The following SGCZ variants were observed in gnomAD, a reference collection of about 807,000 sequenced individuals.
The protein encoded by SGCZ is zeta-sarcoglycan.
Under a neutral mutation model 41.3 loss-of-function variants are expected in SGCZ, and 40 were observed. The ratio of observed to expected loss-of-function variants is 0.97; its 90% CI spans 0.75 to 1.26. SGCZ has a LOEUF of 1.26. Among genes scored for constraint, SGCZ ranks in the 50% most tolerant of loss-of-function variants. SGCZ has a pLI of 0.00. For synonymous variants in SGCZ, 206 were observed against 137.5 expected, an observed-to-expected ratio of 1.50 and a Z score of -3.49; for missense variants, 552 against 369.8, an observed-to-expected ratio of 1.49 and a Z score of -4.04.
intron 6 of SGCZ, among the ~76,000 whole-genome samples, chr8:14,105,916 T>A (rs527287679): frequency 2.6e-5 from 4 of 152,270 alleles, no homozygotes; most frequent in African/African-American, 9.6e-5. Flanking sequence ...AAAAGTTCTT[T>A]AAGTATAAAT....
intron 1 of SGCZ, among the ~76,000 whole-genome samples, chr8:14,955,548 T>C (rs574683036): frequency 9.8e-5 from 15 of 152,336 alleles, no homozygotes; most frequent in African/African-American, 3.6e-4. Context: ...CTGCTCCATA[T>C]TGTTACCGAT....
At chr8:15,090,607 T>G (rs1325565147) in intron 1 of SGCZ, among the ~76,000 whole-genome samples, 1 of 152,018 alleles carries the variant, frequency 6.6e-6, no homozygotes, top group Non-Finnish European at 1.5e-5. Flanking sequence ...GTAATTAAGA[T>G]GAAGATTAAG....
At chr8:14,774,003 C>T (rs2130406148) in intron 1 of SGCZ, among the ~76,000 whole-genome samples, 1 of 152,282 alleles carries the variant, frequency 6.6e-6, no homozygotes, top group African/African-American at 2.4e-5. Context: ...AGGGGAGTGA[C>T]AACTTGGTTG....
intron 1 of SGCZ, among the ~76,000 whole-genome samples, chr8:14,849,332 T>G (rs1325712343): frequency 6.6e-6 from 1 of 151,924 alleles, no homozygotes; most frequent in African/African-American, 2.4e-5. Context: ...CTCCCAGATA[T>G]CTCACCAAGA....
chr8:14,440,585 T>C (rs1800221209), intron 2 of SGCZ, among the ~76,000 whole-genome samples: 1 of 152,104 alleles, frequency 6.6e-6, no homozygotes, highest in Non-Finnish European at 1.5e-5. Context: ...AAGTCACCTA[T>C]GTGTAATTGT....
intron 1 of SGCZ, among the ~76,000 whole-genome samples, chr8:14,611,925 C>T (rs1033208954): frequency 6.6e-6 from 1 of 152,070 alleles, no homozygotes; most frequent in Non-Finnish European, 1.5e-5. Context: ...GTGTAAAATA[C>T]AGGTAAATAT....
chr8:14,504,442 C>G (rs1802245664), intron 2 of SGCZ, among the ~76,000 whole-genome samples: 1 of 152,206 alleles, frequency 6.6e-6, no homozygotes, highest in South Asian at 2.1e-4. Flanking sequence ...TACAGTGAGT[C>G]TAAAACCTAG....
chr8:14,228,688 A>C (rs2117141523), intron 4 of SGCZ, among the ~76,000 whole-genome samples: 1 of 152,150 alleles, frequency 6.6e-6, no homozygotes, highest in East Asian at 1.9e-4. Flanking sequence ...AAGCAGTGGG[A>C]CACCTTTACA....
chr8:14,277,103 T>C (rs1163976159), intron 3 of SGCZ, among the ~76,000 whole-genome samples: 1 of 152,182 alleles, frequency 6.6e-6, no homozygotes, highest in East Asian at 1.9e-4. Flanking sequence ...AACCTGGACA[T>C]CCTCCACTAA....
intron 1 of SGCZ, among the ~76,000 whole-genome samples, chr8:14,592,224 T>A (rs1026807436): frequency 7.9e-5 from 12 of 152,058 alleles, no homozygotes; most frequent in African/African-American, 2.4e-4. Context: ...AGTTTTAAAA[T>A]GAGGGGAGTG....
At chr8:14,737,471 A>T (rs1799072596) in intron 1 of SGCZ, among the ~76,000 whole-genome samples, 1 of 152,084 alleles carries the variant, frequency 6.6e-6, no homozygotes, top group South Asian at 2.1e-4. Context: ...AACAGCTAAC[A>T]TTCACTTCGT....
At position 14,631,279 on chromosome 8, in the gene SGCZ, G is replaced by A. The variant is rs61400824; in HGVS notation, c.40-76353C>T. ...AGGTAGTGATAATACAGAACACATA[G>A]GAATTCTTTTTTTATTATTATTATA... On this transcript the variant is annotated intron_variant, in intron 1 of 7. Transcript: ENST00000382080. Among the ~76,000 whole-genome samples the A allele has an allele frequency of 8.4e-3, 711 of 84,286 alleles. 7 individuals carry two copies. The highest frequency in any genetic ancestry group is 0.025 in the African/African-American group (591 of 23,544). The allele number at this position is 84,286 out of a possible 152,430, so 55.3% of individuals were successfully genotyped here. A position where few individuals can be genotyped will look rare whatever the true frequency, so the allele number is the denominator to read the frequency against.
At chr8:14,841,227 C>G (rs996951982) in intron 1 of SGCZ, among the ~76,000 whole-genome samples, 8 of 152,194 alleles carry the variant, frequency 5.3e-5, no homozygotes, top group Admixed American at 2.0e-4. Flanking sequence ...TATCAACCAT[C>G]AAATGTAAAC....
chr8:14,537,350 C>A (rs1172612240), intron 2 of SGCZ, among the ~76,000 whole-genome samples: 1 of 151,858 alleles, frequency 6.6e-6, no homozygotes, highest in Non-Finnish European at 1.5e-5. Flanking sequence ...AACCACATTT[C>A]CACTCAGTTT....
intron 2 of SGCZ, among the ~76,000 whole-genome samples, chr8:14,443,237 A>C (rs1412722155): frequency 2.0e-5 from 3 of 152,174 alleles, no homozygotes; most frequent in Non-Finnish European, 4.4e-5. Context: ...CATACTGCCC[A>C]AGGTAATTTA....
intron 2 of SGCZ, among the ~76,000 whole-genome samples, chr8:14,406,139 A>G (rs6530768): frequency 0.13 from 20,386 of 151,974 alleles, 2,994 homozygotes; most frequent in African/African-American, 0.36. Flanking sequence ...CTTTTTGAAC[A>G]TATCAAGCTT....
At chr8:14,143,519 A>G (rs1325258678) in intron 5 of SGCZ, among the ~76,000 whole-genome samples, 1 of 152,210 alleles carries the variant, frequency 6.6e-6, no homozygotes, top group East Asian at 1.9e-4. Context: ...TTACTTTTAT[A>G]TATTAATAAT....
At chr8:14,451,394 G>T (rs1800589303) in intron 2 of SGCZ, among the ~76,000 whole-genome samples, 1 of 152,142 alleles carries the variant, frequency 6.6e-6, no homozygotes, top group Non-Finnish European at 1.5e-5. Context: ...CAGTGTTACT[G>T]AGTGGAAATT....
intron 1 of SGCZ, among the ~76,000 whole-genome samples, chr8:14,654,254 C>A (rs1807490682): frequency 6.6e-6 from 1 of 151,260 alleles, no homozygotes; most frequent in Non-Finnish European, 1.5e-5. Flanking sequence ...AAAGGATATC[C>A]ATTGCATGGA....
Sources: allele counts gnomAD v4.1 joint callset (sites outside exome capture counted in the v4.1 genomes callset), GRCh38; gene constraint gnomAD v4.1.1; transcripts MANE v1.5; gene names NCBI Gene and HGNC (gene_info 2026-07-23, HGNC 2026-07-21).